PCDH15: variants seen among roughly 807,000 people sequenced by gnomAD.
PCDH15 encodes the protein protocadherin related 15.
Under a neutral mutation model 178.5 loss-of-function variants are expected in PCDH15, and 129 were observed. The observed-to-expected ratio is 0.72, with a 90% confidence interval of 0.63 to 0.84. The LOEUF (loss-of-function observed/expected upper bound fraction) is 0.84, where lower values mean the gene tolerates loss of function less well. Ranked by LOEUF, PCDH15 falls within the 40% of genes least tolerant of loss-of-function variation. The pLI is 0.00. For synonymous variants in PCDH15, 800 were observed against 732.0 expected, an observed-to-expected ratio of 1.09 and a Z score of -1.50; for missense variants, 2,230 against 2,099.9, an observed-to-expected ratio of 1.06 and a Z score of -1.21.
intron 1 of PCDH15, among the ~76,000 whole-genome samples, chr10:55,300,602 A>T (rs967405831): frequency 2.0e-5 from 3 of 152,192 alleles, no homozygotes; most frequent in Non-Finnish European, 2.9e-5. Flanking sequence ...TTCATATTTT[A>T]TCTAAATAAT....
chr10:54,137,952 G>A (rs551307539), intron 14 of PCDH15, among the ~76,000 whole-genome samples: 86 of 152,124 alleles, frequency 5.7e-4, no homozygotes, highest in Non-Finnish European at 1.0e-3. Context: ...ATTTTCACTG[G>A]AGGTGTTTTG....
intron 1 of PCDH15, among the ~76,000 whole-genome samples, chr10:54,733,694 A>T (rs1365023521): frequency 5.9e-5 from 9 of 151,678 alleles, no homozygotes; most frequent in African/African-American, 2.2e-4. Context: ...CCTGATATTC[A>T]AACTTTTTTA....
chr10:55,593,417 T>C (rs1032871913), intron 2 of PCDH15, among the ~76,000 whole-genome samples: 4 of 151,890 alleles, frequency 2.6e-5, no homozygotes, highest in African/African-American at 9.7e-5. Flanking sequence ...AAAAAATCAG[T>C]AAGTTCAATT....
At chr10:53,955,653 C>T (rs1368909652) in intron 23 of PCDH15, among the ~76,000 whole-genome samples, 1 of 152,090 alleles carries the variant, frequency 6.6e-6, no homozygotes, top group African/African-American at 2.4e-5. Flanking sequence ...TCCCCTACAC[C>T]CTACAAAGAA....
At chr10:54,718,903 G>T (rs146646772) in intron 1 of PCDH15, among the ~76,000 whole-genome samples, 2 of 151,472 alleles carry the variant, frequency 1.3e-5, no homozygotes, top group Non-Finnish European at 2.9e-5. Flanking sequence ...CACTATGTTG[G>T]CCAGGCTGGT....
chr10:54,902,243 G>T (rs557222065), intron 2 of PCDH15, among the ~76,000 whole-genome samples: 1 of 152,096 alleles, frequency 6.6e-6, no homozygotes, highest in Non-Finnish European at 1.5e-5. Context: ...GTGGATGCAC[G>T]TGTCACTATC....
intron 2 of PCDH15, among the ~76,000 whole-genome samples, chr10:55,577,027 A>G (rs1842509467): frequency 6.6e-6 from 1 of 152,034 alleles, no homozygotes; most frequent in African/African-American, 2.4e-5. Flanking sequence ...GTGGATCACA[A>G]GGTCAGGAGT....
intron 2 of PCDH15, among the ~76,000 whole-genome samples, chr10:54,623,696 T>A (rs75591086): frequency 0.028 from 4,188 of 152,262 alleles, 178 homozygotes; most frequent in African/African-American, 0.09. Flanking sequence ...TTATTTAAAA[T>A]GTAAACCACA....
At chr10:54,173,672 A>G (rs1326470353) in intron 13 of PCDH15, among the ~76,000 whole-genome samples, 1 of 152,202 alleles carries the variant, frequency 6.6e-6, no homozygotes, top group African/African-American at 2.4e-5. Flanking sequence ...TTAAAGGTCA[A>G]TGTGCTGGGA....
At chr10:54,536,995 T>C (rs1026801546) in intron 2 of PCDH15, among the ~76,000 whole-genome samples, 3 of 126,730 alleles carry the variant, frequency 2.4e-5, no homozygotes, top group African/African-American at 8.7e-5. Flanking sequence ...ACAATTTGTT[T>C]CCTTTTTTTT....
chr10:55,130,940 T>A (rs1001339618), intron 2 of PCDH15, among the ~76,000 whole-genome samples: 2 of 152,042 alleles, frequency 1.3e-5, no homozygotes, highest in African/African-American at 4.8e-5. Flanking sequence ...TCAGTGTGAA[T>A]GAATTCAGCT....
At chr10:54,226,555 C>T (rs889040064) in intron 9 of PCDH15, among the ~76,000 whole-genome samples, 2 of 152,174 alleles carry the variant, frequency 1.3e-5, no homozygotes, top group Non-Finnish European at 2.9e-5. Flanking sequence ...GGGTGAGACA[C>T]AGCCAAACCA....
In PCDH15 at chr10:54,452,401, A is replaced by C. The variant is rs1468067365; in HGVS notation, c.158-73459T>G. The C allele has an allele frequency of 2.0e-5, 3 of 151,990 alleles. No individual in the cohort carries two copies. The East Asian group carries it at 5.8e-4, about 29-fold the overall frequency. 9.4% of individuals were successfully genotyped at this position (151,990 alleles called of 1,614,324 possible). ...CTGTTTCTTCTGTGGTAGTTGATAG[A>C]ATTTTACCTATATTTATGCTAATAA... is the stretch of plus-strand genomic sequence containing the variant. On this transcript the variant is annotated intron_variant, in intron 3 of 37. Transcript: ENST00000644397.
intron 8 of PCDH15, among the ~76,000 whole-genome samples, chr10:54,302,802 G>A (rs1042579151): frequency 4.6e-5 from 7 of 151,998 alleles, no homozygotes; most frequent in African/African-American, 1.4e-4. Flanking sequence ...CTTTCCATTT[G>A]AGAAATTTTA....
At chr10:54,615,032 A>G (rs866780652) in intron 2 of PCDH15, among the ~76,000 whole-genome samples, 18 of 151,990 alleles carry the variant, frequency 1.2e-4, no homozygotes, top group African/African-American at 4.1e-4. Context: ...TGAATGTTGG[A>G]TAGGTATTTA....
At chr10:53,887,280 G>A (rs1190136744) in intron 26 of PCDH15, among the ~76,000 whole-genome samples, 1 of 152,000 alleles carries the variant, frequency 6.6e-6, no homozygotes, top group Non-Finnish European at 1.5e-5. Context: ...GTTTTACCAA[G>A]CATTAAATAT....
intron 13 of PCDH15, among the ~76,000 whole-genome samples, chr10:54,169,730 C>T (rs1421321173): frequency 1.3e-5 from 2 of 151,884 alleles, no homozygotes; most frequent in Admixed American, 6.6e-5. Context: ...ACCCTTACCC[C>T]ACTCAACGCC....
chr10:54,202,824 A>AG (rs58686636), intron 10 of PCDH15, among the ~76,000 whole-genome samples: 8 of 111,414 alleles, frequency 7.2e-5, no homozygotes, highest in African/African-American at 5.9e-4. Context: ...AAAAAAAAAA[A>AG]AAAAAAAGTA....
Position 55,285,335 on chromosome 10 carries a change from A to AT in PCDH15, c.-156+34263dup, listed in dbSNP as rs1012770061. ...TATGAACCACACATAAAATCAACTA[A>AT]TTTTTTAATATATATTTAAGAAGTA... On this transcript the variant is annotated intron_variant, in intron 1 of 5. Transcript: ENST00000458638. Among the ~76,000 whole-genome samples the AT allele has an allele frequency of 4.0e-5, 6 of 151,308 alleles. No homozygotes were observed. In the East Asian group the frequency reaches 5.9e-4, roughly 15 times the overall value.
Sources: gnomAD v4.1 joint callset for allele counts (sites outside exome capture counted in the v4.1 genomes callset) on GRCh38, gnomAD v4.1.1 for gene constraint, MANE v1.5 for transcripts, NCBI Gene and HGNC (gene_info 2026-07-23, HGNC 2026-07-21) for gene names.